The following CNNM2 variants were observed in gnomAD, a reference collection of about 807,000 sequenced individuals.
The protein encoded by CNNM2 is cyclin and CBS domain divalent metal cation transport mediator 2.
In CNNM2, 12 loss-of-function variants were observed where a neutral mutation model predicts 66.9. The ratio of observed to expected loss-of-function variants is 0.18; its 90% CI spans 0.11 to 0.29. The LOEUF is 0.29. Among genes scored for constraint, CNNM2 ranks in the 10% least tolerant of loss-of-function variants. The pLI is 1.00. For synonymous variants in CNNM2, 557 were observed against 501.8 expected, an observed-to-expected ratio of 1.11 and a Z score of -1.47; for missense variants, 705 against 1,167.7, an observed-to-expected ratio of 0.60 and a Z score of 5.77.
chr10:103,053,881 G>A (rs940250833), intron 2 of CNNM2, among the ~76,000 whole-genome samples: 1 of 152,124 alleles, frequency 6.6e-6, no homozygotes, highest in East Asian at 1.9e-4. Context: ...AGAGGGAAGG[G>A]GCCTCTTACA....
chr10:102,981,714 G>T (rs186950176), intron 1 of CNNM2, among the ~76,000 whole-genome samples: 127 of 151,148 alleles, frequency 8.4e-4, no homozygotes, highest in African/African-American at 2.6e-3. Context: ...TTTTTTTTTT[G>T]ATCTTGTGTA....
intron 1 of CNNM2, among the ~76,000 whole-genome samples, chr10:102,973,019 G>A (rs1239908150): frequency 1.3e-5 from 2 of 152,174 alleles, no homozygotes; most frequent in African/African-American, 4.8e-5. Context: ...ATGACAGCAT[G>A]ACATAGTTTA....
chr10:103,057,178 G>C (rs2065309618), intron 4 of CNNM2, among the ~76,000 whole-genome samples: 1 of 152,150 alleles, frequency 6.6e-6, no homozygotes, highest in African/African-American at 2.4e-5. Flanking sequence ...ACTAAAAGGT[G>C]CTTAGTAGGC....
At chr10:103,008,703 G>A (rs1023362517) in intron 1 of CNNM2, among the ~76,000 whole-genome samples, 6 of 151,328 alleles carry the variant, frequency 4.0e-5, no homozygotes, top group Non-Finnish European at 7.4e-5. Flanking sequence ...CATTTGAACC[G>A]GGGAGGCGGA....
intron 1 of CNNM2, among the ~76,000 whole-genome samples, chr10:103,034,826 C>T (rs1460202959): frequency 2.0e-5 from 3 of 151,858 alleles, no homozygotes; most frequent in South Asian, 4.2e-4. Context: ...ATTAGCCGGG[C>T]GCGGTGGCGG....
At chr10:102,975,482 A>AAC (rs2063614461) in intron 1 of CNNM2, among the ~76,000 whole-genome samples, 2 of 151,426 alleles carry the variant, frequency 1.3e-5, no homozygotes, top group Non-Finnish European at 2.9e-5. Flanking sequence ...AAAAAAAAAA[A>AAC]AAAAAACAAA....
In CNNM2 at chr10:103,089,549, T is replaced by C; in HGVS notation, c.*12369T>C. ...TGATAATAAAATCTTCAGAAACTTT[T>C]CAGACGTACCTTTCATGGAGCCCCC... On this transcript the variant is annotated 3_prime_UTR_variant, in exon 8 of 8. Coordinates refer to ENST00000369878, the MANE Select transcript of CNNM2 (RefSeq NM_017649.5). 6 of 1,418,374 alleles carry C rather than the reference T, an allele frequency of 4.2e-6. No individual in the cohort carries two copies. Among genetic ancestry groups the C allele is most frequent in the Non-Finnish European group, 5.5e-6 (6 of 1,082,908 alleles). 87.9% of individuals were successfully genotyped at this position (1,418,374 alleles called of 1,614,324 possible).
rs1266312373 is a variant in CNNM2, at chr10:103,029,117, C to T, written c.1622-20590C>T. ...GATTACAGGCATGAGCCACCGTGCCCGGCCCCCACTCCTATTTTCTTAAGA... is the reference window on the plus strand; with the variant it reads ...GATTACAGGCATGAGCCACCGTGCCTGGCCCCCACTCCTATTTTCTTAAGA... On this transcript the variant is annotated intron_variant, in intron 1 of 7. Transcript: ENST00000369878. Among the ~76,000 whole-genome samples, 13 of 151,784 alleles carry T rather than the reference C, an allele frequency of 8.6e-5. No homozygotes were observed. In the South Asian group the frequency reaches 2.1e-3, roughly 24 times the overall value.
intron 1 of CNNM2, among the ~76,000 whole-genome samples, chr10:102,940,126 T>C (rs766152667): frequency 1.3e-5 from 2 of 152,128 alleles, no homozygotes; most frequent in Non-Finnish European, 2.9e-5. Context: ...TTAAAAATTT[T>C]TATTTTTAGT....
intron 1 of CNNM2, among the ~76,000 whole-genome samples, chr10:102,956,219 C>T (rs1300554916): frequency 2.1e-5 from 3 of 144,562 alleles, no homozygotes; most frequent in African/African-American, 5.1e-5. Flanking sequence ...ACCCAGGAGG[C>T]GGAGCCTGCA....
chr10:103,068,890 T>C (rs1310228046), intron 5 of CNNM2, among the ~76,000 whole-genome samples, 168 bp downstream of exon 5: 2 of 152,154 alleles, frequency 1.3e-5, no homozygotes, highest in African/African-American at 4.8e-5. Context: ...ATCCTAAGTA[T>C]ATACCTCCAT....
chr10:102,987,277 T>C (rs1452792459), intron 1 of CNNM2, among the ~76,000 whole-genome samples: 1 of 152,146 alleles, frequency 6.6e-6, no homozygotes, highest in East Asian at 1.9e-4. Context: ...CAGTAGGACT[T>C]ACATATATAT....
chr10:103,084,492 G>C lies in CNNM2; in HGVS notation c.*7312G>C, dbSNP rs1470179448. 3 of 152,186 alleles carry C rather than the reference G, an allele frequency of 2.0e-5. No homozygotes were observed. Among genetic ancestry groups the C allele is most frequent in the Admixed American group, 2.0e-4 (3 of 15,286 alleles). The allele number at this position is 152,186 out of a possible 1,614,324, so 9.4% of individuals were successfully genotyped here. ...GGGCAGAAAGTGGCAGCAGAGCTAG[G>C]GAAAGAAATCATGGTAGCACATTCA... On this transcript the variant is annotated 3_prime_UTR_variant, in exon 8 of 8. Transcript: ENST00000369878.
In CNNM2 at chr10:103,076,298, G is replaced by T. The variant is rs778188055; in HGVS notation, c.2418+28G>T. ...GAGAGACGTGAGTGCAGTGTGGCTG[G>T]ACCTGGCAGTTAGTTGTCAACTTCC... On this transcript the variant is annotated intron_variant, in intron 7 of 7. Coordinates refer to ENST00000369878, the MANE Select transcript of CNNM2 (RefSeq NM_017649.5). 143 of 1,548,588 alleles carry T rather than the reference G, an allele frequency of 9.2e-5. No homozygotes were observed. The highest frequency in any genetic ancestry group is 1.2e-4 in the Non-Finnish European group (137 of 1,144,680).
At chr10:103,011,682 G>GTGTATGTA (rs1554898654) in intron 1 of CNNM2, among the ~76,000 whole-genome samples, 3 of 148,274 alleles carry the variant, frequency 2.0e-5, no homozygotes, top group African/African-American at 7.4e-5. Flanking sequence ...GTGTGTGTGT[G>GTGTATGTA]TGTATGTATA....
At chr10:102,995,240 T>C (rs1208313077) in intron 1 of CNNM2, among the ~76,000 whole-genome samples, 2 of 53,532 alleles carry the variant, frequency 3.7e-5, no homozygotes, top group Non-Finnish European at 7.5e-5. Context: ...CCAGACAGAG[T>C]CTAGCTCTGT....
chr10:103,028,430 T>C (rs1332232158), intron 1 of CNNM2, among the ~76,000 whole-genome samples: 1 of 152,244 alleles, frequency 6.6e-6, no homozygotes, highest in Non-Finnish European at 1.5e-5. Context: ...GAAGACATTC[T>C]CAAGCACAAC....
chr10:102,982,601 A>C (rs2063735273), intron 1 of CNNM2, among the ~76,000 whole-genome samples: 1 of 152,132 alleles, frequency 6.6e-6, no homozygotes, highest in Non-Finnish European at 1.5e-5. Context: ...CAAGACTGTA[A>C]AGCTTTGATG....
At chr10:102,925,467 G>A (rs1845828618) in intron 1 of CNNM2, among the ~76,000 whole-genome samples, 1 of 151,984 alleles carries the variant, frequency 6.6e-6, no homozygotes, top group Non-Finnish European at 1.5e-5. Context: ...AGGAAAAACT[G>A]GTCTAGTCAG....
Sources: gnomAD v4.1 joint callset for allele counts (sites outside exome capture counted in the v4.1 genomes callset) on GRCh38, gnomAD v4.1.1 for gene constraint, MANE v1.5 for transcripts, NCBI Gene and HGNC (gene_info 2026-07-23, HGNC 2026-07-21) for gene names.